Variants in FCF1 observed in about 807,000 individuals in gnomAD.
FCF1 encodes rRNA-processing protein FCF1 homolog.
A neutral mutation model predicts 32.5 loss-of-function variants in FCF1; 17 were observed. The observed-to-expected ratio is 0.52, with a 90% CI of 0.36 to 0.78. The LOEUF is 0.78. Among genes scored for constraint, FCF1 ranks in the 30% least tolerant of loss-of-function variants. The pLI, the probability that FCF1 is intolerant of heterozygous loss-of-function variation, is 0.00. For synonymous variants in FCF1, 84 were observed against 78.4 expected (o/e 1.07, Z -0.38); for missense variants, 201 against 241.1 (o/e 0.83, Z 1.10).
At position 74,722,781 on chromosome 14, in the gene FCF1, T is replaced by G. The variant is rs370941561; in HGVS notation, c.293-491T>G. Among the ~76,000 whole-genome samples the G allele has an allele frequency of 7.4e-5, 11 of 149,534 alleles. No individual in the cohort carries two copies. In the East Asian group the frequency reaches 2.2e-3, roughly 30 times the overall value. The stretch of plus-strand genomic sequence containing the variant: ...AAGCCCCATCTCTACAAAAAAAAAA[T>G]GTTTTTTTTTAATTAGCTGGGCATA... On this transcript the variant is annotated intron_variant, in intron 4 of 7. Transcript: ENST00000341162.
chr14:74,727,224 C>T (rs1376508416), intron 5 of FCF1, among the ~76,000 whole-genome samples: 1 of 152,194 alleles, frequency 6.6e-6, no homozygotes, highest in Non-Finnish European at 1.5e-5. Context: ...GTCCTGCCAA[C>T]AGTGTAAAAG....
At chr14:74,724,675 C>A (rs578180226) in intron 5 of FCF1, among the ~76,000 whole-genome samples, 1 of 152,262 alleles carries the variant, frequency 6.6e-6, no homozygotes, top group East Asian at 1.9e-4. Context: ...GAGGCTGAGG[C>A]AAGTGGATTG....
chr14:74,731,052 C>T (rs1335172556), intron 5 of FCF1, among the ~76,000 whole-genome samples: 1 of 151,974 alleles, frequency 6.6e-6, no homozygotes, highest in East Asian at 1.9e-4. Flanking sequence ...CCCAGCTGGT[C>T]TCAAACTCCT....
chr14:74,733,741 G>A (rs1003571122), intron 6 of FCF1, among the ~76,000 whole-genome samples: 1 of 152,134 alleles, frequency 6.6e-6, no homozygotes, highest in African/African-American at 2.4e-5. Context: ...GTTCCTCGGA[G>A]CATTTTCCCA....
chr14:74,719,774 A>G (rs897960082), intron 4 of FCF1, among the ~76,000 whole-genome samples: 27 of 152,080 alleles, frequency 1.8e-4, no homozygotes, highest in Admixed American at 3.3e-4. Flanking sequence ...CAAAAGGGGG[A>G]AAAAAAGGAA....
intron 5 of FCF1, among the ~76,000 whole-genome samples, chr14:74,731,844 A>G (rs2090642026): frequency 2.0e-5 from 3 of 152,114 alleles, no homozygotes; most frequent in Admixed American, 2.0e-4. Flanking sequence ...ATTTTTCTTC[A>G]TTTCAGTGAC....
chr14:74,733,694 A>T (rs1011184636), intron 6 of FCF1, among the ~76,000 whole-genome samples: 1 of 152,152 alleles, frequency 6.6e-6, no homozygotes, highest in Admixed American at 6.5e-5. Context: ...GGAGGGAGCT[A>T]TGGCCTCCAA....
chr14:74,726,763 C>T (rs1164216281), intron 5 of FCF1, among the ~76,000 whole-genome samples: 2 of 151,920 alleles, frequency 1.3e-5, no homozygotes, highest in South Asian at 2.1e-4. Context: ...CTCCTCCCCC[C>T]ACCCCACAAC....
At chr14:74,734,055 A>C (rs759447831) in intron 6 of FCF1, 21 bp from the exon 7 acceptor site, 2 of 1,554,852 alleles carry the variant, frequency 1.3e-6, no homozygotes, top group Admixed American at 1.7e-5. Flanking sequence ...CAGTGTGAAC[A>C]TCACTCCATG....
At chr14:74,727,454 G>A (rs2090589498) in intron 5 of FCF1, among the ~76,000 whole-genome samples, 1 of 151,916 alleles carries the variant, frequency 6.6e-6, no homozygotes, top group Non-Finnish European at 1.5e-5. Context: ...TGATGGGGTT[G>A]TTTGTTTTTT....
At chr14:74,728,085 G>A (rs1257575156) in intron 5 of FCF1, among the ~76,000 whole-genome samples, 2 of 152,080 alleles carry the variant, frequency 1.3e-5, no homozygotes, top group Non-Finnish European at 2.9e-5. Context: ...TTGGCGATGT[G>A]GGCTCTTTTT....
chr14:74,714,824 C>T, intron 2 of FCF1, 48 bp from the exon 3 acceptor site: 1 of 1,497,480 alleles, frequency 6.7e-7, no homozygotes, highest in South Asian at 1.3e-5. Context: ...ATTTTAATTG[C>T]TGTGGTTTTT....
At chr14:74,723,056 A>G (rs942218946) in intron 4 of FCF1, among the ~76,000 whole-genome samples, 1 of 152,086 alleles carries the variant, frequency 6.6e-6, no homozygotes, top group Non-Finnish European at 1.5e-5. Context: ...TTTTCCCCAG[A>G]TATGTTTATA....
chr14:74,723,237 G>C, intron 4 of FCF1, 35 bp from the exon 5 acceptor site: 1 of 1,505,598 alleles, frequency 6.6e-7, no homozygotes, highest in Non-Finnish European at 9.2e-7. Flanking sequence ...TTCGTTACAA[G>C]TTCTGTTCTT....
chr14:74,714,847 A>C, intron 2 of FCF1, 25 bp from the exon 3 acceptor site: 5 of 1,539,666 alleles, frequency 3.2e-6, no homozygotes, highest in Non-Finnish European at 4.4e-6. Context: ...TCTCCCTTGG[A>C]TTTAATTTAC....
At chr14:74,722,346 C>T (rs960413611) in intron 4 of FCF1, among the ~76,000 whole-genome samples, 1 of 152,134 alleles carries the variant, frequency 6.6e-6, no homozygotes, top group Non-Finnish European at 1.5e-5. Context: ...CTACGCCCGG[C>T]CAATATTGGA....
rs113895916 is a variant in FCF1 at position 74,735,427 on chromosome 14, T to C, written c.*497T>C. The stretch of plus-strand genomic sequence containing the variant: ...AGCTCTTTCTCTTTCTCACGGGGAA[T>C]TGGATTTTCTTACATGCAACTGAAT... On this transcript the variant is annotated 3_prime_UTR_variant, in exon 8 of 8. Coordinates refer to ENST00000341162, the MANE Select transcript of FCF1 (RefSeq NM_015962.5). The C allele has an allele frequency of 2.0e-3, 306 of 152,844 alleles. 1 individual carries two copies. Among genetic ancestry groups the C allele is most frequent in the Non-Finnish European group, 3.3e-3 (229 of 68,474 alleles). 9.5% of individuals were successfully genotyped at this position (152,844 alleles called of 1,614,324 possible). A position where few individuals can be genotyped will look rare whatever the true frequency, so the allele number is the denominator to read the frequency against.
rs1291974046 is a variant in FCF1, at chr14:74,728,883, T to C, written c.366-3848T>C. On this transcript the variant is annotated intron_variant, in intron 5 of 7. Coordinates refer to ENST00000341162, the MANE Select transcript of FCF1 (RefSeq NM_015962.5). ...ATCATGTGGTTTTTGTCTTTGGTTC[T>C]GTTTATATGCTGGATTACATTTATT... is the stretch of plus-strand genomic sequence containing the variant. 7.2e-5 allele frequency among the ~76,000 whole-genome samples: 11 copies of C among 152,322 alleles called. 1 individual carries two copies. The East Asian group carries it at 2.1e-3, about 29-fold the overall frequency.
chr14:74,728,458 C>T (rs1195016289), intron 5 of FCF1, among the ~76,000 whole-genome samples: 1 of 152,100 alleles, frequency 6.6e-6, no homozygotes, highest in Non-Finnish European at 1.5e-5. Context: ...GATTTTGTAT[C>T]CTGAGACTTT....
Sources: allele counts gnomAD v4.1 joint callset (sites outside exome capture counted in the v4.1 genomes callset), GRCh38; gene constraint gnomAD v4.1.1; transcripts MANE v1.5; gene names NCBI Gene and HGNC (gene_info 2026-07-23, HGNC 2026-07-21).